The following PAQR5 variants were observed in gnomAD, a reference collection of about 807,000 sequenced individuals.
The protein encoded by PAQR5 is progestin and adipoQ receptor family member 5.
A neutral mutation model predicts 34.5 loss-of-function variants in PAQR5; 20 were observed. The ratio of observed to expected loss-of-function variants is 0.58; its 90% CI spans 0.41 to 0.84. The LOEUF (loss-of-function observed/expected upper bound fraction) is 0.84, where lower values mean the gene tolerates loss of function less well. Among genes scored for constraint, PAQR5 ranks in the 40% least tolerant of loss-of-function variants. PAQR5 has a pLI of 0.00. For synonymous variants in PAQR5, 131 were observed against 155.6 expected (o/e 0.84, Z 1.18); for missense variants, 378 against 412.7 (o/e 0.92, Z 0.73).
At chr15:69,319,739 C>T (rs575817524) in intron 1 of PAQR5, among the ~76,000 whole-genome samples, 1 of 152,206 alleles carries the variant, frequency 6.6e-6, no homozygotes, top group Admixed American at 6.5e-5. Context: ...GAGCTCAGTG[C>T]CCATGGAGCA....
At chr15:69,316,339 C>T (rs1024459208) in intron 1 of PAQR5, among the ~76,000 whole-genome samples, 1 of 152,118 alleles carries the variant, frequency 6.6e-6, no homozygotes, top group Non-Finnish European at 1.5e-5. Flanking sequence ...CCTTGGCCTC[C>T]CAAGGTTCTG....
chr15:69,355,984 A>G (rs1040654919), intron 2 of PAQR5, among the ~76,000 whole-genome samples: 7 of 152,130 alleles, frequency 4.6e-5, no homozygotes, highest in African/African-American at 1.7e-4. Context: ...TCCCTGATTA[A>G]AATGCAGTAA....
intron 8 of PAQR5, among the ~76,000 whole-genome samples, chr15:69,402,348 C>T (rs1197834895): frequency 2.0e-5 from 3 of 150,866 alleles, no homozygotes; most frequent in East Asian, 1.9e-4. Context: ...GACGGAGTCT[C>T]GCTCTGTCGC....
chr15:69,379,922 C>G lies in PAQR5; in HGVS notation c.91C>G (p.Pro31Ala). ...EQGILFGYRH[P>A]QSSATACILS... is the part of the protein sequence containing the mutation. ...AGGCATCCTGTTCGGCTACCGCCAT[C>G]CACAGAGTTCTGCCACTGCCTGCAT... The change falls in exon 4 of 9, where the codon CCA (proline) becomes GCA (alanine). Residue 31 changes from proline (P) to alanine (A), a missense_variant. Pro to Ala is a conservative substitution (Grantham distance 27, BLOSUM62 -1). Coordinates refer to ENST00000395407, the MANE Select transcript of PAQR5 (RefSeq NM_017705.4). 6.2e-7 allele frequency: 1 copy of G among 1,614,176 alleles called. No homozygotes were observed. The highest frequency in any genetic ancestry group is 1.1e-5 in the South Asian group (1 of 91,084).
chr15:69,330,282 T>C (rs1379571147), intron 1 of PAQR5, among the ~76,000 whole-genome samples: 1 of 152,244 alleles, frequency 6.6e-6, no homozygotes, highest in Non-Finnish European at 1.5e-5. Context: ...CCAAGCTGTC[T>C]TTGTTCATTC....
At chr15:69,345,507 C>T (rs533851469) in intron 2 of PAQR5, among the ~76,000 whole-genome samples, 2 of 152,232 alleles carry the variant, frequency 1.3e-5, no homozygotes, top group South Asian at 2.1e-4. Context: ...AATGAGATAG[C>T]CAAGTGCAAA....
chr15:69,385,131 T>C lies in PAQR5; in HGVS notation c.385+249T>C, dbSNP rs1161800559. On this transcript the variant is annotated intron_variant, in intron 5 of 8. Coordinates refer to ENST00000395407, the MANE Select transcript of PAQR5 (RefSeq NM_017705.4). This position sits in a 1 kb window ranked among gnomAD's most constrained non-coding sequence, Gnocchi z 4.7. ...TGCAGTGTTGCCAGTTTCTGTGGTG[T>C]AAATCTTCCCATCATGTCCAGCTTC... is the stretch of plus-strand genomic sequence containing the variant. 1.3e-5 allele frequency among the ~76,000 whole-genome samples: 2 copies of C among 152,214 alleles called. No homozygotes were observed. The highest frequency in any genetic ancestry group is 4.8e-5 in the African/African-American group (2 of 41,440).
chr15:69,368,652 G>T (rs1257558097), intron 3 of PAQR5, among the ~76,000 whole-genome samples: 11 of 151,880 alleles, frequency 7.2e-5, no homozygotes, highest in African/African-American at 2.7e-4. Context: ...CTGCATTCTG[G>T]GTACTTTCTT....
At chr15:69,360,933 C>G (rs1021147607) in intron 3 of PAQR5, among the ~76,000 whole-genome samples, 1 of 152,260 alleles carries the variant, frequency 6.6e-6, no homozygotes, top group East Asian at 1.9e-4. Flanking sequence ...GAAATAAACT[C>G]AACATCACCA....
intron 1 of PAQR5, among the ~76,000 whole-genome samples, chr15:69,324,720 C>T (rs958457940): frequency 6.6e-6 from 1 of 152,060 alleles, no homozygotes; most frequent in Non-Finnish European, 1.5e-5. Flanking sequence ...GTTTTCTGGG[C>T]TCCACTCTGG....
rs1022347119 is a variant in PAQR5, at chr15:69,385,774, A to T, written c.385+892A>T. ...CACACAAACACACACTCATGCACTG[A>T]CACACACTGACACACACACATACAA... On this transcript the variant is annotated intron_variant, in intron 5 of 8. Coordinates refer to ENST00000395407, the MANE Select transcript of PAQR5 (RefSeq NM_017705.4). This position sits in a 1 kb window ranked among gnomAD's most constrained non-coding sequence, Gnocchi z 4.7. Among the ~76,000 whole-genome samples the T allele has an allele frequency of 2.6e-5, 4 of 151,886 alleles. No homozygotes were observed. Among genetic ancestry groups the T allele is most frequent in the African/African-American group, 9.7e-5 (4 of 41,310 alleles).
intron 6 of PAQR5, among the ~76,000 whole-genome samples, chr15:69,395,671 G>A (rs1233528634): frequency 6.6e-6 from 1 of 152,144 alleles, no homozygotes; most frequent in East Asian, 1.9e-4. Context: ...GAGGTCACGT[G>A]GTTGTGAAGG....
At position 69,322,728 on chromosome 15, in the gene PAQR5, GA is replaced by G. The variant is rs2054132349; in HGVS notation, c.-276-14611del. Among the ~76,000 whole-genome samples the G allele has an allele frequency of 9.7e-5, 3 of 30,928 alleles. 1 individual carries two copies. The highest frequency in any genetic ancestry group is 3.2e-3 in the South Asian group (2 of 626). 20.3% of individuals were successfully genotyped at this position (30,928 alleles called of 152,430 possible). On this transcript the variant is annotated intron_variant, in intron 1 of 8. Transcript: ENST00000395407. ...AGAAGAAGAAGAAGAAGAAGAAGAA[GA>G]AGAAGAAGAAGAAGAAGAAGAAGAA... is the stretch of plus-strand genomic sequence containing the variant.
chr15:69,360,575 T>A (rs1472163394), intron 3 of PAQR5, among the ~76,000 whole-genome samples: 1 of 152,106 alleles, frequency 6.6e-6, no homozygotes, highest in Non-Finnish European at 1.5e-5. Context: ...TGGGGAGGGT[T>A]GTTGAATGAG....
chr15:69,339,887 A>G (rs1327860901), intron 2 of PAQR5, among the ~76,000 whole-genome samples: 1 of 150,938 alleles, frequency 6.6e-6, no homozygotes, highest in Non-Finnish European at 1.5e-5. Flanking sequence ...TTTTTGGGGG[A>G]CGGAGTTTTG....
At chr15:69,305,510 G>A (rs2053694827) in intron 1 of PAQR5, among the ~76,000 whole-genome samples, 2 of 152,112 alleles carry the variant, frequency 1.3e-5, no homozygotes, top group Admixed American at 6.5e-5. Context: ...AAGTCGGGGT[G>A]GGTGGGGCGA....
At chr15:69,395,509 T>C (rs1194533626) in intron 6 of PAQR5, among the ~76,000 whole-genome samples, 1 of 152,244 alleles carries the variant, frequency 6.6e-6, no homozygotes, top group Non-Finnish European at 1.5e-5. Context: ...TAAAAGCTGC[T>C]GTTTAGTCTG....
At position 69,360,127 on chromosome 15, in the gene PAQR5, C is replaced by G. The variant is rs1288581024; in HGVS notation, c.47C>G (p.Pro16Arg). 1.2e-6 allele frequency: 2 copies of G among 1,611,666 alleles called. No homozygotes were observed. The highest frequency in any genetic ancestry group is 1.7e-6 in the Non-Finnish European group (2 of 1,177,986). Residue 16 changes from proline to arginine, a missense_variant, in exon 3 of 9, where the codon CCC becomes CGC. Pro to Arg is a moderately radical substitution (Grantham distance 103, BLOSUM62 -2). Transcript: ENST00000395407. ...LPRLFSIDQIPQVFHEQGILF... is the reference protein window; with the variant it reads ...LPRLFSIDQIRQVFHEQGILF... Reference sequence around the variant, plus strand: ...AGGCTGTTTAGCATAGACCAGATACCCCAGGTATGTGCTCTATTGATTATG... The same window carrying G: ...AGGCTGTTTAGCATAGACCAGATACGCCAGGTATGTGCTCTATTGATTATG...
chr15:69,373,537 T>G (rs2055619740), intron 3 of PAQR5, among the ~76,000 whole-genome samples: 1 of 152,212 alleles, frequency 6.6e-6, no homozygotes, highest in Non-Finnish European at 1.5e-5. Flanking sequence ...CTGCTGTAGA[T>G]CAATACGTCT....
Sources: allele counts gnomAD v4.1 joint callset (sites outside exome capture counted in the v4.1 genomes callset), GRCh38; gene constraint gnomAD v4.1.1; non-coding constraint Gnocchi (gnomAD v3.1); transcripts MANE v1.5; gene names NCBI Gene and HGNC (gene_info 2026-07-23, HGNC 2026-07-21).